THSD4: variants seen among roughly 807,000 people sequenced by gnomAD.
THSD4 encodes the protein thrombospondin type 1 domain containing 4, also known as thrombospondin type-1 domain-containing protein 4.
In THSD4, 69 loss-of-function variants were observed where a neutral mutation model predicts 119.0. The observed-to-expected ratio is 0.58, with a 90% CI of 0.48 to 0.71. THSD4 has a LOEUF of 0.71. Ranked by LOEUF, THSD4 falls within the 30% of genes least tolerant of loss-of-function variation. THSD4 has a pLI of 0.00. For missense variants in THSD4, 1,393 were observed against 1,391.1 expected (o/e 1.00, Z -0.02); for synonymous variants, 524 against 540.4 (o/e 0.97, Z 0.42).
chr15:71,705,144 A>G (rs1014719707), intron 8 of THSD4, among the ~76,000 whole-genome samples: 1 of 152,162 alleles, frequency 6.6e-6, no homozygotes, highest in Non-Finnish European at 1.5e-5. Flanking sequence ...GAAGAATGGA[A>G]GGGTAGCTGG....
At chr15:71,098,073 T>G (rs16955119) in intron 1 of THSD4, among the ~76,000 whole-genome samples, 1,904 of 152,226 alleles carry the variant, frequency 0.013, 39 homozygotes, top group African/African-American at 0.043. Flanking sequence ...TCTCCAGATC[T>G]GTGAGCACAC....
At chr15:71,421,300 AT>A (rs1377851797) in intron 7 of THSD4, among the ~76,000 whole-genome samples, 1 of 39,370 alleles carries the variant, frequency 2.5e-5, no homozygotes, top group African/African-American at 7.5e-5. Flanking sequence ...CATTAACATC[AT>A]TTTCTTTCTA....
intron 8 of THSD4, among the ~76,000 whole-genome samples, chr15:71,721,254 A>T (rs1341033476): frequency 6.6e-6 from 1 of 152,180 alleles, no homozygotes; most frequent in Non-Finnish European, 1.5e-5. Flanking sequence ...TGTGCCTGTA[A>T]TCCCAGCACT....
At chr15:71,262,395 A>G (rs2044411366) in intron 6 of THSD4, among the ~76,000 whole-genome samples, 1 of 152,164 alleles carries the variant, frequency 6.6e-6, no homozygotes, top group East Asian at 1.9e-4. Context: ...TCTGTCTTGG[A>G]CAATAAATAT....
intron 6 of THSD4, among the ~76,000 whole-genome samples, chr15:71,305,306 C>G (rs2140342277): frequency 6.6e-6 from 1 of 152,322 alleles, no homozygotes; most frequent in South Asian, 2.1e-4. Flanking sequence ...GCGATCTACT[C>G]TGTAAGGATG....
intron 5 of THSD4, among the ~76,000 whole-genome samples, chr15:71,249,588 C>T (rs1210950753): frequency 6.7e-6 from 1 of 150,232 alleles, no homozygotes. Flanking sequence ...AAGTTGTTCT[C>T]TTATTGACTT....
At chr15:71,345,263 T>C (rs763585966) in intron 6 of THSD4, among the ~76,000 whole-genome samples, 1 of 151,960 alleles carries the variant, frequency 6.6e-6, no homozygotes, top group Non-Finnish European at 1.5e-5. Flanking sequence ...AGTTGTATAC[T>C]TGTGGCCTGC....
At chr15:71,319,109 A>G (rs1172550589) in intron 6 of THSD4, among the ~76,000 whole-genome samples, 1 of 152,146 alleles carries the variant, frequency 6.6e-6, no homozygotes, top group Non-Finnish European at 1.5e-5. Flanking sequence ...CTCTTAAGTG[A>G]TCACATTTGA....
intron 6 of THSD4, among the ~76,000 whole-genome samples, chr15:71,300,016 T>A (rs2044927125): frequency 6.9e-6 from 1 of 145,328 alleles, no homozygotes; most frequent in South Asian, 2.2e-4. Context: ...CCATGGGTGG[T>A]GGCAGGCATC....
intron 7 of THSD4, among the ~76,000 whole-genome samples, chr15:71,484,235 A>T (rs1479218512): frequency 6.6e-6 from 1 of 151,994 alleles, no homozygotes; most frequent in African/African-American, 2.4e-5. Context: ...GATTTTACTG[A>T]CTCCACCAGC....
At chr15:71,350,318 A>G (rs2045727825) in intron 6 of THSD4, among the ~76,000 whole-genome samples, 1 of 152,012 alleles carries the variant, frequency 6.6e-6, no homozygotes, top group Non-Finnish European at 1.5e-5. Context: ...TGTCTGTTTA[A>G]TGTTCGTTTT....
At chr15:71,146,267 C>T (rs1293286907) in intron 2 of THSD4, among the ~76,000 whole-genome samples, 1 of 152,166 alleles carries the variant, frequency 6.6e-6, no homozygotes, top group Non-Finnish European at 1.5e-5. Flanking sequence ...GATTGTCTTT[C>T]TTGCACAAAC....
At chr15:71,761,835 C>G (rs757677862) in intron 15 of THSD4, among the ~76,000 whole-genome samples, 1 of 152,184 alleles carries the variant, frequency 6.6e-6, no homozygotes, top group African/African-American at 2.4e-5. Flanking sequence ...CACTTTGACA[C>G]GAATGCTTCT....
At chr15:71,525,748 G>A (rs1445825660) in intron 7 of THSD4, among the ~76,000 whole-genome samples, 1 of 152,134 alleles carries the variant, frequency 6.6e-6, no homozygotes, top group African/African-American at 2.4e-5. Flanking sequence ...TGGGATTTTT[G>A]GAGATACATT....
chr15:71,561,562 A>C (rs1473369018), intron 7 of THSD4, among the ~76,000 whole-genome samples: 2 of 152,154 alleles, frequency 1.3e-5, no homozygotes, highest in Non-Finnish European at 2.9e-5. Context: ...ACCCATGAGA[A>C]TAAAAAGACA....
At chr15:71,680,133 C>A (rs2141028562) in intron 8 of THSD4, among the ~76,000 whole-genome samples, 1 of 152,264 alleles carries the variant, frequency 6.6e-6, no homozygotes, top group African/African-American at 2.4e-5. Flanking sequence ...TTTAGGTAAT[C>A]AGTCCTCTTT....
intron 8 of THSD4, among the ~76,000 whole-genome samples, chr15:71,681,641 C>T (rs2051780801): frequency 6.7e-6 from 1 of 148,514 alleles, no homozygotes; most frequent in Admixed American, 6.8e-5. Flanking sequence ...TTCCACTTAA[C>T]TCTAGCCTGG....
chr15:71,409,141 T>A (rs918125677), intron 6 of THSD4, among the ~76,000 whole-genome samples: 1 of 109,260 alleles, frequency 9.2e-6, no homozygotes, highest in Admixed American at 1.2e-4. Context: ...TGTCTCACGT[T>A]TAGCTTTTTT....
intron 7 of THSD4, among the ~76,000 whole-genome samples, chr15:71,452,666 A>G (rs1019520536): frequency 3.9e-5 from 6 of 152,038 alleles, no homozygotes; most frequent in African/African-American, 1.4e-4. Context: ...CTCAGGCTGG[A>G]GTGCAGTAGC....
Sources: allele counts gnomAD v4.1 joint callset (sites outside exome capture counted in the v4.1 genomes callset), GRCh38; gene constraint gnomAD v4.1.1; transcripts MANE v1.5; gene names NCBI Gene and HGNC (gene_info 2026-07-23, HGNC 2026-07-21).